Variants in TEAD1 observed in about 807,000 individuals in gnomAD.
TEAD1 encodes transcriptional enhancer factor TEF-1.
TEAD1 carries 9 observed loss-of-function variants against 54.9 expected under a neutral mutation model. The ratio of observed to expected loss-of-function variants is 0.16; its 90% confidence interval spans 0.10 to 0.29. The LOEUF is 0.29. Ranked by LOEUF, TEAD1 falls within the 10% of genes least tolerant of loss-of-function variation. The pLI, the probability that TEAD1 is intolerant of heterozygous loss-of-function variation, is 1.00. For synonymous variants in TEAD1, 200 were observed against 187.8 expected, an observed-to-expected ratio of 1.07 and a Z score of -0.53; for missense variants, 387 against 535.9, an observed-to-expected ratio of 0.72 and a Z score of 2.74.
At chr11:12,900,400 C>T (rs1363431300) in intron 9 of TEAD1, among the ~76,000 whole-genome samples, 1 of 152,184 alleles carries the variant, frequency 6.6e-6, no homozygotes, top group East Asian at 1.9e-4. Flanking sequence ...TACTGTGAAT[C>T]TCTAAGAGAG....
chr11:12,850,243 A>G (rs1947246096), intron 3 of TEAD1, among the ~76,000 whole-genome samples: 1 of 152,176 alleles, frequency 6.6e-6, no homozygotes, highest in Admixed American at 6.5e-5. Context: ...CGAGCCCAGC[A>G]TGACCAGCGT....
At chr11:12,772,349 A>G (rs1034870416) in intron 3 of TEAD1, among the ~76,000 whole-genome samples, 1 of 152,132 alleles carries the variant, frequency 6.6e-6, no homozygotes, top group Non-Finnish European at 1.5e-5. Context: ...AGAATTTATG[A>G]GTTGAGGATG....
chr11:12,740,793 A>G (rs915018394), intron 2 of TEAD1, among the ~76,000 whole-genome samples: 12 of 152,038 alleles, frequency 7.9e-5, no homozygotes, highest in African/African-American at 2.7e-4. Context: ...GGGAACTACA[A>G]TTCAAGGTGA....
At chr11:12,760,718 G>A (rs886235543) in intron 2 of TEAD1, among the ~76,000 whole-genome samples, 7 of 152,076 alleles carry the variant, frequency 4.6e-5, no homozygotes, top group African/African-American at 1.4e-4. Flanking sequence ...ACATTTTTAG[G>A]GTTCTCCTAC....
At chr11:12,922,126 C>T (rs1948817514) in intron 10 of TEAD1, among the ~76,000 whole-genome samples, 1 of 151,774 alleles carries the variant, frequency 6.6e-6, no homozygotes, top group South Asian at 2.1e-4. Context: ...TGTAGTTGAA[C>T]TCTGAATTTA....
intron 3 of TEAD1, among the ~76,000 whole-genome samples, chr11:12,858,696 A>G (rs757462825): frequency 1.1e-4 from 17 of 152,228 alleles, no homozygotes; most frequent in Non-Finnish European, 1.3e-4. Flanking sequence ...AAGCAAGGAC[A>G]TGAGAGTGAA....
chr11:12,882,282 GTC>G (rs555723989), intron 8 of TEAD1, among the ~76,000 whole-genome samples: 61 of 152,282 alleles, frequency 4.0e-4, no homozygotes, highest in African/African-American at 1.3e-3. Flanking sequence ...GGCAGTCTAA[GTC>G]TCAAGGCCAG....
chr11:12,856,600 T>G (rs1947386477), intron 3 of TEAD1, among the ~76,000 whole-genome samples: 1 of 151,788 alleles, frequency 6.6e-6, no homozygotes, highest in Non-Finnish European at 1.5e-5. Context: ...CTGAGCGGGG[T>G]GGGGGGATAT....
At chr11:12,858,535 A>T (rs894360551) in intron 3 of TEAD1, among the ~76,000 whole-genome samples, 1 of 152,238 alleles carries the variant, frequency 6.6e-6, no homozygotes, top group Non-Finnish European at 1.5e-5. Context: ...AAGATAATTT[A>T]TTAGGTTTCT....
chr11:12,934,070 A>C (rs1056328783), intron 12 of TEAD1, among the ~76,000 whole-genome samples: 4 of 152,230 alleles, frequency 2.6e-5, no homozygotes, highest in African/African-American at 7.2e-5. Context: ...TCATGCTGCT[A>C]TAAAGACACA....
chr11:12,863,510 A>C (rs1342471454), intron 4 of TEAD1, among the ~76,000 whole-genome samples: 1 of 152,194 alleles, frequency 6.6e-6, no homozygotes. Flanking sequence ...GGAAAAAAAA[A>C]TAATTGAATA....
At chr11:12,845,827 G>A (rs1309754113) in intron 3 of TEAD1, among the ~76,000 whole-genome samples, 2 of 152,190 alleles carry the variant, frequency 1.3e-5, no homozygotes, top group Non-Finnish European at 2.9e-5. Context: ...CATAGAATTG[G>A]TCGCCTCTCT....
chr11:12,808,915 G>T (rs960751549), intron 3 of TEAD1, among the ~76,000 whole-genome samples: 1 of 152,164 alleles, frequency 6.6e-6, no homozygotes, highest in African/African-American at 2.4e-5. Context: ...CAGGTGACAG[G>T]CTGCATAATT....
At chr11:12,929,330 A>C (rs543394874) in intron 11 of TEAD1, among the ~76,000 whole-genome samples, 1 of 151,990 alleles carries the variant, frequency 6.6e-6, no homozygotes, top group African/African-American at 2.4e-5. Flanking sequence ...CTAAAGGACC[A>C]GTTTTTAATT....
intron 12 of TEAD1, among the ~76,000 whole-genome samples, chr11:12,932,072 G>A (rs1450847711): frequency 6.6e-6 from 1 of 152,160 alleles, no homozygotes; most frequent in East Asian, 1.9e-4. Context: ...TATAATTTTC[G>A]TTTGTTCCAA....
chr11:12,812,662 A>AT (rs1946329441), intron 3 of TEAD1, among the ~76,000 whole-genome samples: 1 of 152,234 alleles, frequency 6.6e-6, no homozygotes, highest in Admixed American at 6.5e-5. Flanking sequence ...GAGAAGGCTT[A>AT]ATACAGGAGA....
intron 5 of TEAD1, among the ~76,000 whole-genome samples, chr11:12,867,830 T>C (rs1413025702): frequency 6.6e-6 from 1 of 151,834 alleles, no homozygotes; most frequent in Non-Finnish European, 1.5e-5. Flanking sequence ...TCTGGGTGGG[T>C]GGGGAGCAGA....
chr11:12,693,328 G>A (rs540161573), intron 2 of TEAD1, among the ~76,000 whole-genome samples: 1 of 152,194 alleles, frequency 6.6e-6, no homozygotes, highest in Non-Finnish European at 1.5e-5. Flanking sequence ...AAGAGAATGA[G>A]TTCCAATGCG....
intron 3 of TEAD1, among the ~76,000 whole-genome samples, chr11:12,815,573 G>A (rs1946397940): frequency 1.3e-5 from 2 of 152,238 alleles, no homozygotes; most frequent in African/African-American, 4.8e-5. Context: ...ATGACATGAT[G>A]GTATGCCCCT....
Sources: allele counts gnomAD v4.1 joint callset (sites outside exome capture counted in the v4.1 genomes callset), GRCh38; gene constraint gnomAD v4.1.1; transcripts MANE v1.5; gene names NCBI Gene and HGNC (gene_info 2026-07-23, HGNC 2026-07-21).